Variants in MUC17 observed in about 807,000 individuals in gnomAD.
The protein encoded by MUC17 is mucin-17.
In MUC17, 190 loss-of-function variants were observed where a neutral mutation model predicts 170.3. The ratio of observed to expected loss-of-function variants is 1.12; its 90% confidence interval spans 0.99 to 1.26. The LOEUF is 1.26. MUC17 is among the 50% of genes most tolerant of loss of function. The probability of loss-of-function intolerance (pLI) is 0.00; values close to 1 mark genes in which losing one functional copy is unlikely to be tolerated. For synonymous variants in MUC17, 2,325 were observed against 2,002.5 expected (o/e 1.16, Z -4.30); for missense variants, 6,415 against 5,530.0 (o/e 1.16, Z -5.08).
Position 101,043,004 on chromosome 7 carries a change from C to T in MUC17, c.11588C>T (p.Thr3863Ile). ...GSFSIPAEVT[T>I]IRISITSERS... The stretch of plus-strand genomic sequence containing the variant: ...TTCTCCATACCTGCTGAAGTCACTA[C>T]CATACGTATTTCAATTACCAGTGAA... The change falls in exon 3 of 13, where the codon ACC (threonine) becomes ATC (isoleucine). Residue 3863 changes from threonine (T) to isoleucine (I), a missense_variant. By Grantham distance (89) the Thr-to-Ile change is moderately conservative. Transcript: ENST00000306151. The T allele has an allele frequency of 6.2e-7, 1 of 1,614,156 alleles. No individual in the cohort carries two copies. Among genetic ancestry groups the T allele is most frequent in the South Asian group, 1.1e-5 (1 of 91,076 alleles).
chr7:101,041,549 G>C lies in MUC17; in HGVS notation c.10133G>C (p.Ser3378Thr). The C allele has an allele frequency of 1.9e-6, 3 of 1,610,602 alleles. No homozygotes were observed. Among genetic ancestry groups the C allele is most frequent in the Non-Finnish European group, 2.5e-6 (3 of 1,179,116 alleles). ...STPVTTSTEA[S>T]LSPTTAEGTS... ...CCTGTCACCACTTCTACTGAAGCCA[G>C]TTTATCTCCTACAACTGCTGAAGGT... The change falls in exon 3 of 13, where the codon AGT (serine) becomes ACT (threonine). Residue 3378 changes from serine (S) to threonine (T), a missense_variant. Transcript: ENST00000306151.
Position 101,036,180 on chromosome 7 carries a change from T to C in MUC17, c.4764T>C (p.Ser1588=). The change falls in exon 3 of 13, where the codon TCT becomes TCC. Residue 1588 remains serine (S), a synonymous_variant. Coordinates refer to ENST00000306151, the MANE Select transcript of MUC17 (RefSeq NM_001040105.2). ...TCAGCACCATGCTGGTGGTCAGTTC[T>C]GAGGCTAACACCCTTTCAACAACCC... The part of the protein sequence containing the change: ...LPVSTMLVVS[S]EANTLSTTPI... The C allele has an allele frequency of 1.2e-6, 2 of 1,614,088 alleles. No individual in the cohort carries two copies. Among genetic ancestry groups the C allele is most frequent in the South Asian group, 1.1e-5 (1 of 91,074 alleles).
chr7:101,037,845 T>C lies in MUC17; in HGVS notation c.6429T>C (p.Pro2143=), dbSNP rs376685170. Residue 2143 remains proline (P), a synonymous_variant, in exon 3 of 13, where the codon CCT becomes CCC. Coordinates refer to ENST00000306151, the MANE Select transcript of MUC17 (RefSeq NM_001040105.2). Reference sequence around the variant, plus strand: ...CTTCTACTGAAGTCAGTTCATCTCCTATACCTACTGAAGGTACCAGCATGC... The same window carrying C: ...CTTCTACTGAAGTCAGTTCATCTCCCATACCTACTGAAGGTACCAGCATGC... The part of the protein sequence containing the change: ...VITSTEVSSS[P]IPTEGTSMQT... The C allele has an allele frequency of 3.2e-5, 52 of 1,613,854 alleles. No homozygotes were observed. Among genetic ancestry groups the C allele is most frequent in the Non-Finnish European group, 4.0e-5 (47 of 1,179,946 alleles).
chr7:101,051,616 T>A lies in MUC17; in HGVS notation c.12878T>A (p.Met4293Lys), dbSNP rs550738028. 1.2e-6 allele frequency: 2 copies of A among 1,612,810 alleles called. No homozygotes were observed. The highest frequency in any genetic ancestry group is 2.2e-5 in the South Asian group (2 of 90,940). Reference protein sequence around the residue: ...QIMINDICSDMMCFNTTGTQV... With the variant: ...QIMINDICSDKMCFNTTGTQV... ...GTTTTATGTGTCTCTTTCACAGACA[T>A]GATGTGTTTCAACACCACTGGCACC... The change falls in exon 8 of 13, where the codon ATG becomes AAG. Residue 4293 changes from methionine (M) to lysine (K), a missense_variant. Transcript: ENST00000306151.
rs768049525 is a variant in MUC17 at position 101,032,216 on chromosome 7, ACTCAG to A, written c.804_808del (p.Ala269Ter). 6.2e-7 allele frequency: 1 copy of A among 1,613,814 alleles called. No homozygotes were observed. Among genetic ancestry groups the A allele is most frequent in the Non-Finnish European group, 8.5e-7 (1 of 1,179,916 alleles). On this transcript the variant is annotated frameshift_variant, in exon 3 of 13. Coordinates refer to ENST00000306151, the MANE Select transcript of MUC17 (RefSeq NM_001040105.2). LOFTEE classifies it high-confidence loss of function. ...ACTGCTGAAGGTCCCAGCCTGTCAA[ACTCAG>A]CTCCTAGTGGAGGAAGCACTCCATT...
chr7:101,052,897 C>T, intron 9 of MUC17, 89 bp from the exon 10 acceptor site: 1 of 1,477,832 alleles, frequency 6.8e-7, no homozygotes, highest in South Asian at 1.3e-5. Flanking sequence ...GCCTCCTCTT[C>T]ATTAAACACC....
At chr7:101,049,461 C>T in intron 6 of MUC17, 79 bp downstream of exon 6, 3 of 1,526,968 alleles carry the variant, frequency 2.0e-6, no homozygotes, top group East Asian at 2.3e-5. Context: ...TAGAACTGTG[C>T]CCCCTGCATT....
rs779220001 is a variant in MUC17, at chr7:101,042,464, C to T, written c.11048C>T (p.Thr3683Ile). 1.9e-6 allele frequency: 3 copies of T among 1,613,676 alleles called. No homozygotes were observed. Among genetic ancestry groups the T allele is most frequent in the Non-Finnish European group, 2.5e-6 (3 of 1,179,924 alleles). Residue 3683 changes from threonine (T) to isoleucine (I), a missense_variant, in exon 3 of 13, where the codon ACC becomes ATC. Physicochemically the swap from Thr to Ile is moderately conservative, Grantham distance 89. Transcript: ENST00000306151. ...SSSPVTPEGT[T>I]MPIWTPSEGS... ...TCTCCTGTGACTCCTGAAGGTACCACCATGCCAATCTGGACGCCTAGTGAA... is the reference window on the plus strand; with the variant it reads ...TCTCCTGTGACTCCTGAAGGTACCATCATGCCAATCTGGACGCCTAGTGAA...
chr7:101,035,206 G>C lies in MUC17; in HGVS notation c.3790G>C (p.Glu1264Gln). ...AETSSSPTTA[E>Q]GTSLPTSTTS... ...AACCAGTTCCTCTCCTACAACCGCT[G>C]AAGGTACCAGCTTGCCAACCTCAAC... Residue 1264 changes from glutamate to glutamine, a missense_variant, in exon 3 of 13, where the codon GAA (glutamate) becomes CAA (glutamine). Coordinates refer to ENST00000306151, the MANE Select transcript of MUC17 (RefSeq NM_001040105.2). 1 of 1,609,860 alleles carries C rather than the reference G, an allele frequency of 6.2e-7. No homozygotes were observed. The highest frequency in any genetic ancestry group is 1.3e-5 in the African/African-American group (1 of 74,674).
Position 101,038,086 on chromosome 7 carries a change from A to G in MUC17, c.6670A>G (p.Ser2224Gly), listed in dbSNP as rs148707760. The change falls in exon 3 of 13, where the codon AGT becomes GGT. Residue 2224 changes from serine to glycine, a missense_variant. Ser to Gly is a moderately conservative substitution (Grantham distance 56). Transcript: ENST00000306151. ...TPSEGSTPFT[S>G]MPVSTMPVVT... The stretch of plus-strand genomic sequence containing the variant: ...TAGTGAAGGAAGCACTCCATTCACA[A>G]GTATGCCTGTCAGCACCATGCCGGT... 1.9e-4 allele frequency: 263 copies of G among 1,403,526 alleles called. 1 individual carries two copies. In the African/African-American group the frequency reaches 3.2e-3, roughly 17 times the overall value. 86.9% of individuals were successfully genotyped at this position (1,403,526 alleles called of 1,614,324 possible).
rs1332231227 is a variant in MUC17, at chr7:101,038,478, A to C, written c.7062A>C (p.Glu2354Asp). The C allele has an allele frequency of 6.3e-7, 1 of 1,599,652 alleles. No individual in the cohort carries two copies. The highest frequency in any genetic ancestry group is 1.1e-5 in the South Asian group (1 of 90,464). The change falls in exon 3 of 13, where the codon GAA becomes GAC. Residue 2354 changes from glutamate to aspartate, a missense_variant. Transcript: ENST00000306151. Reference protein sequence around the residue: ...PVSTTMVASFETSTLSTTPAD... With the variant: ...PVSTTMVASFDTSTLSTTPAD... ...GCACCACAATGGTGGCCAGTTTTGA[A>C]ACAAGCACACTTTCTACAACTCCTG...
rs1282663332 is a variant in MUC17 at position 101,039,257 on chromosome 7, C to G, written c.7841C>G (p.Ser2614Cys). 3.7e-6 allele frequency: 6 copies of G among 1,613,466 alleles called. No homozygotes were observed. The highest frequency in any genetic ancestry group is 5.1e-6 in the Non-Finnish European group (6 of 1,179,714). ...ACCACTTCTACTGAAACCAGTTCAT[C>G]TCCTACAACTGCAAAAGATACCAGC... ...PVTTSTETSSSPTTAKDTSMP... is the reference protein window; with the variant it reads ...PVTTSTETSSCPTTAKDTSMP... Residue 2614 changes from serine to cysteine, a missense_variant, in exon 3 of 13, where the codon TCT (serine) becomes TGT (cysteine). Coordinates refer to ENST00000306151, the MANE Select transcript of MUC17 (RefSeq NM_001040105.2).
At chr7:101,048,201 GA>G in intron 4 of MUC17, 86 bp downstream of exon 4, 2 of 1,365,280 alleles carry the variant, frequency 1.5e-6, no homozygotes, top group Non-Finnish European at 1.9e-6. Flanking sequence ...ACCTTGATGT[GA>G]GGCCAGGAAT....
chr7:101,040,993 A>C lies in MUC17; in HGVS notation c.9577A>C (p.Thr3193Pro). The C allele has an allele frequency of 6.2e-7, 1 of 1,613,868 alleles. No individual in the cohort carries two copies. The highest frequency in any genetic ancestry group is 8.5e-7 in the Non-Finnish European group (1 of 1,179,956). Reference sequence around the variant, plus strand: ...TTCAGCAACTCCTGTTGACACCAGCACACCTGTGACCACTTCTACTGAAGC... The same window carrying C: ...TTCAGCAACTCCTGTTGACACCAGCCCACCTGTGACCACTTCTACTGAAGC... ...TLSATPVDTS[T>P]PVTTSTEATS... is the part of the protein sequence containing the mutation. The change falls in exon 3 of 13, where the codon ACA becomes CCA. Residue 3193 changes from threonine (T) to proline (P), a missense_variant. By Grantham distance (38) the Thr-to-Pro change is conservative. Coordinates refer to ENST00000306151, the MANE Select transcript of MUC17 (RefSeq NM_001040105.2).
At position 101,041,083 on chromosome 7, in the gene MUC17, C is replaced by T. The variant is rs1287477245; in HGVS notation, c.9667C>T (p.Pro3223Ser). The T allele has an allele frequency of 2.5e-6, 4 of 1,613,898 alleles. No homozygotes were observed. Among genetic ancestry groups the T allele is most frequent in the Admixed American group, 1.7e-5 (1 of 59,976 alleles). The change falls in exon 3 of 13, where the codon CCA (proline) becomes TCA (serine). Residue 3223 changes from proline (P) to serine (S), a missense_variant. By Grantham distance (74) the Pro-to-Ser change is moderately conservative (BLOSUM62 -1). Transcript: ENST00000306151. The part of the protein sequence containing the change: ...PTSTPSEGMT[P>S]LTSVPVSNTP... ...CTCAACTCCTAGTGAAGGAATGACTCCATTAACTAGTGTACCTGTCAGCAA... is the reference window on the plus strand; with the variant it reads ...CTCAACTCCTAGTGAAGGAATGACTTCATTAACTAGTGTACCTGTCAGCAA...
rs1216414112 is a variant in MUC17, at chr7:101,050,560, A to G, written c.12799A>G (p.Asn4267Asp). The change falls in exon 7 of 13, where the codon AAT (asparagine) becomes GAT (aspartate). Residue 4267 changes from asparagine to aspartate, a missense_variant. Asn to Asp is a conservative substitution (Grantham distance 23). Transcript: ENST00000306151. Reference protein sequence around the residue: ...YTPEYKTVLDNATEVVKEKIT... With the variant: ...YTPEYKTVLDDATEVVKEKIT... ...ACCAGAATACAAGACAGTATTGGAC[A>G]ATGCCACCGAAGTAGTGAAAGAGAA... 4.3e-6 allele frequency: 7 copies of G among 1,614,218 alleles called. No homozygotes were observed. Among genetic ancestry groups the G allele is most frequent in the Non-Finnish European group, 2.5e-6 (3 of 1,180,028 alleles).
rs527980140 is a variant in MUC17, at chr7:101,032,369, C to T, written c.953C>T (p.Thr318Met). The T allele has an allele frequency of 1.1e-4, 176 of 1,613,850 alleles. No homozygotes were observed. Among genetic ancestry groups the T allele is most frequent in the Middle Eastern group, 9.9e-4 (6 of 6,062 alleles). The change falls in exon 3 of 13, where the codon ACG becomes ATG. Residue 318 changes from threonine to methionine, a missense_variant. Coordinates refer to ENST00000306151, the MANE Select transcript of MUC17 (RefSeq NM_001040105.2). ...TSTEASSSPTTAEGTSIPTST... is the reference protein window; with the variant it reads ...TSTEASSSPTMAEGTSIPTST... Reference sequence around the variant, plus strand: ...ACTGAAGCCAGTTCATCTCCTACAACGGCTGAAGGCACCAGCATACCAACC... The same window carrying T: ...ACTGAAGCCAGTTCATCTCCTACAATGGCTGAAGGCACCAGCATACCAACC...
Position 101,057,983 on chromosome 7 carries a change from G to C in MUC17, c.13441-20G>C, listed in dbSNP as rs761849032. The C allele has an allele frequency of 1.1e-5, 17 of 1,613,000 alleles. No individual in the cohort carries two copies. In the East Asian group the frequency reaches 3.6e-4, roughly 34 times the overall value. Reference sequence around the variant, plus strand: ...TTCCTCATGGGCTGAGCCCTCACTTGGTTTTATCTCTCTTTTCAGATCCGA... The same window carrying C: ...TTCCTCATGGGCTGAGCCCTCACTTCGTTTTATCTCTCTTTTCAGATCCGA... On this transcript the variant is annotated intron_variant, in intron 12 of 12. Transcript: ENST00000306151.
intron 12 of MUC17, among the ~76,000 whole-genome samples, chr7:101,056,569 C>T (rs1294297901): frequency 2.0e-5 from 3 of 152,220 alleles, no homozygotes; most frequent in Admixed American, 1.3e-4. Context: ...CTTGTAAACA[C>T]ACATAAAAGT....
Sources: gnomAD v4.1 joint callset for allele counts (sites outside exome capture counted in the v4.1 genomes callset) on GRCh38, gnomAD v4.1.1 for gene constraint, MANE v1.5 for transcripts, NCBI Gene and HGNC (gene_info 2026-07-23, HGNC 2026-07-21) for gene names.